Variants in CDH23 observed in about 807,000 individuals in gnomAD.
CDH23 encodes cadherin-23.
Under a neutral mutation model 317.1 loss-of-function variants are expected in CDH23, and 189 were observed. That is an observed-to-expected ratio of 0.60 (90% confidence interval 0.53 to 0.67). The LOEUF (loss-of-function observed/expected upper bound fraction) is 0.67. Ranked by LOEUF, CDH23 falls within the 30% of genes least tolerant of loss-of-function variation. The probability of loss-of-function intolerance (pLI) is 0.00; values close to 1 mark genes in which losing one functional copy is unlikely to be tolerated. For synonymous variants in CDH23, 1,839 were observed against 1,876.8 expected, an observed-to-expected ratio of 0.98 and a Z score of 0.52; for missense variants, 4,401 against 4,592.4, an observed-to-expected ratio of 0.96 and a Z score of 1.20.
intron 6 of CDH23, among the ~76,000 whole-genome samples, chr10:71,540,246 C>T (rs187157382): frequency 2.5e-3 from 379 of 152,280 alleles, no homozygotes; most frequent in Admixed American, 7.3e-3. Flanking sequence ...CTAGGGAACC[C>T]ACCCTCTTAT....
intron 8 of CDH23, among the ~76,000 whole-genome samples, chr10:71,577,387 C>T (rs554049777): frequency 2.7e-4 from 41 of 152,186 alleles, no homozygotes; most frequent in African/African-American, 9.6e-4. Flanking sequence ...GAGTTGCCAC[C>T]GTCATCCCCC....
intron 38 of CDH23, chr10:71,753,675 A>C: frequency 2.3e-6 from 1 of 439,432 alleles, no homozygotes; most frequent in Non-Finnish European, 4.6e-6. Context: ...AATTAGATGC[A>C]GTGACCCCAA....
At chr10:71,702,421 C>T in intron 23 of CDH23, 128 bp from the exon 24 acceptor site, 1 of 1,289,398 alleles carries the variant, frequency 7.8e-7, no homozygotes, top group Non-Finnish European at 1.1e-6. Context: ...TAGGCTGCTT[C>T]CTGGAGGGGC....
intron 22 of CDH23, among the ~76,000 whole-genome samples, chr10:71,699,178 G>A (rs1050357240): frequency 6.6e-6 from 1 of 152,228 alleles, no homozygotes; most frequent in African/African-American, 2.4e-5. Context: ...CACATTGTAG[G>A]TGTTCAAAAT....
At chr10:71,520,327 CA>C (rs954185999) in intron 6 of CDH23, among the ~76,000 whole-genome samples, 8 of 152,332 alleles carry the variant, frequency 5.3e-5, no homozygotes, top group African/African-American at 1.9e-4. Context: ...CATCAAGAAA[CA>C]GCTGGTAATA....
Position 71,729,128 on chromosome 10 carries a change from C to G in CDH23, c.3580-1341C>G, listed in dbSNP as rs75500163. On this transcript the variant is annotated intron_variant, in intron 30 of 69. Coordinates refer to ENST00000224721, the MANE Select transcript of CDH23 (RefSeq NM_022124.6). Reference sequence around the variant, plus strand: ...GCGATTACAGGCAAAAGCCACCATGCCTGGCCTCCATAAACACCTTTTAAA... The same window carrying G: ...GCGATTACAGGCAAAAGCCACCATGGCTGGCCTCCATAAACACCTTTTAAA... Among the ~76,000 whole-genome samples the G allele has an allele frequency of 8.5e-3, 1,297 of 152,296 alleles. 17 individuals carry two copies. Among genetic ancestry groups the G allele is most frequent in the African/African-American group, 0.03 (1,231 of 41,548 alleles).
intron 9 of CDH23, among the ~76,000 whole-genome samples, chr10:71,585,241 G>A (rs1858969924): frequency 6.6e-6 from 1 of 152,200 alleles, no homozygotes; most frequent in Admixed American, 6.5e-5. Context: ...CTGAGTCTAG[G>A]TTTCTCGGAT....
At position 71,397,274 on chromosome 10, in the gene CDH23, G is replaced by GT; in HGVS notation, c.-50_-49insT. Reference sequence around the variant, plus strand: ...GGGGGCCGATCCGGCGGAGAGCAGAGCCCGAGGCGAGGCGAGGCGCGGCGC... The same window carrying GT: ...GGGGGCCGATCCGGCGGAGAGCAGAGTCCCGAGGCGAGGCGAGGCGCGGCGC... On this transcript the variant is annotated 5_prime_UTR_variant, in exon 1 of 70. Transcript: ENST00000224721. This position sits in a 1 kb window ranked among gnomAD's most constrained non-coding sequence, Gnocchi z 4.8. 1 of 153,778 alleles carries GT rather than the reference G, an allele frequency of 6.5e-6. No homozygotes were observed. The highest frequency in any genetic ancestry group is 7.9e-5 in the South Asian group (1 of 12,636). 9.5% of individuals were successfully genotyped at this position (153,778 alleles called of 1,614,324 possible).
chr10:71,740,666 G>T lies in CDH23; in HGVS notation c.4489-156G>T, dbSNP rs190274309. ...TTGGGGAGAGCCCAGGGCTGGCCGG[G>T]AGAGCCCAGGGCTGGCCAGGCCACC... On this transcript the variant is annotated intron_variant, in intron 36 of 69. Transcript: ENST00000224721. 3.8e-4 allele frequency among the ~76,000 whole-genome samples: 58 copies of T among 152,342 alleles called. No individual in the cohort carries two copies. The East Asian group carries it at 8.9e-3, about 23-fold the overall frequency.
chr10:71,761,982 C>CA (rs1211552986), intron 38 of CDH23: 1 of 1,613,182 alleles, frequency 6.2e-7, no homozygotes, highest in Non-Finnish European at 8.5e-7. Flanking sequence ...TCGGGACAGA[C>CA]ATACAGGGAA....
chr10:71,760,982 G>C (rs370808519), intron 38 of CDH23: 5 of 1,549,268 alleles, frequency 3.2e-6, no homozygotes, highest in African/African-American at 2.7e-5. Context: ...GGCCAGGGAG[G>C]CTTGTCCAGG....
intron 3 of CDH23, among the ~76,000 whole-genome samples, chr10:71,485,883 G>A (rs1202259236): frequency 6.6e-6 from 1 of 152,246 alleles, no homozygotes; most frequent in African/African-American, 2.4e-5. Flanking sequence ...AGATGCTCAT[G>A]CCCAGCTGGC....
Position 71,761,580 on chromosome 10 carries a change from C to T in CDH23, c.4846-16100C>T, listed in dbSNP as rs546854374. 81 of 1,553,186 alleles carry T rather than the reference C, an allele frequency of 5.2e-5. No individual in the cohort carries two copies. In the East Asian group the frequency reaches 1.3e-3, roughly 24 times the overall value. ...GCCCTCCACACACGCCAGGCTGTCA[C>T]GTGCAGGATGCCCTCACCTGTCTGC... On this transcript the variant is annotated intron_variant, in intron 38 of 69. Transcript: ENST00000224721.
chr10:71,572,379 T>A (rs1331724465), intron 8 of CDH23, among the ~76,000 whole-genome samples: 1 of 152,156 alleles, frequency 6.6e-6, no homozygotes, highest in Non-Finnish European at 1.5e-5. Context: ...GCCCACAATC[T>A]GCCCATGGCC....
At chr10:71,623,735 T>C (rs535445749) in intron 11 of CDH23, among the ~76,000 whole-genome samples, 1 of 152,300 alleles carries the variant, frequency 6.6e-6, no homozygotes, top group Non-Finnish European at 1.5e-5. Context: ...TCCATGATCA[T>C]AGAACCCTAA....
chr10:71,606,771 G>T (rs1860549448), intron 9 of CDH23, among the ~76,000 whole-genome samples: 1 of 152,156 alleles, frequency 6.6e-6, no homozygotes, highest in Non-Finnish European at 1.5e-5. Flanking sequence ...GGGGTAACTG[G>T]GGAGGAATCT....
intron 9 of CDH23, among the ~76,000 whole-genome samples, chr10:71,594,030 G>A (rs576497752): frequency 3.3e-4 from 51 of 152,256 alleles, no homozygotes; most frequent in Middle Eastern, 3.4e-3. Context: ...GGAGTTTGAG[G>A]TTACAGTGAG....
intron 51 of CDH23, 34 bp from the exon 52 acceptor site, chr10:71,799,458 G>T (rs1164593113): frequency 6.2e-7 from 1 of 1,613,624 alleles, no homozygotes; most frequent in South Asian, 1.1e-5. Flanking sequence ...GACTGACCTT[G>T]GCCTACTCTC....
chr10:71,625,926 G>A (rs1409426645), intron 11 of CDH23, among the ~76,000 whole-genome samples: 3 of 152,144 alleles, frequency 2.0e-5, no homozygotes, highest in Non-Finnish European at 4.4e-5. Flanking sequence ...AACCACAGTG[G>A]TATTAGCATT....
Sources: gnomAD v4.1 joint callset for allele counts (sites outside exome capture counted in the v4.1 genomes callset) on GRCh38, gnomAD v4.1.1 for gene constraint, Gnocchi (gnomAD v3.1) non-coding constraint, MANE v1.5 for transcripts, NCBI Gene and HGNC (gene_info 2026-07-23, HGNC 2026-07-21) for gene names.